POLR3C: variants seen among roughly 807,000 people sequenced by gnomAD.
The protein encoded by POLR3C is RNA polymerase III subunit C.
A neutral mutation model predicts 65.9 loss-of-function variants in POLR3C; 44 were observed. That is an observed-to-expected ratio of 0.67 (90% CI 0.52 to 0.86). The LOEUF (loss-of-function observed/expected upper bound fraction) is 0.86. Among genes scored for constraint, POLR3C ranks in the 40% least tolerant of loss-of-function variants. The pLI is 0.00. For missense variants in POLR3C, 576 were observed against 653.2 expected (o/e 0.88, Z 1.29); for synonymous variants, 263 against 231.6 (o/e 1.14, Z -1.23).
rs1466075237 is a variant in POLR3C at position 145,843,785 on chromosome 1, T to C, written c.*1365T>C. Among the ~76,000 whole-genome samples, 3 of 152,192 alleles carry C rather than the reference T, an allele frequency of 2.0e-5. No individual in the cohort carries two copies. The East Asian group carries it at 5.8e-4, about 29-fold the overall frequency. On this transcript the variant is annotated 3_prime_UTR_variant, in exon 15 of 15. Coordinates refer to ENST00000334163, the MANE Select transcript of POLR3C (RefSeq NM_006468.8). ...AGGATGCTTTATTTGCAAACTATCT[T>C]AACAAGGGATTCGTAACCAGAATAT...
At position 145,838,168 on chromosome 1, in the gene POLR3C, C is replaced by CT; in HGVS notation, c.1184dup (p.Tyr396IlefsTer2). 1.2e-6 allele frequency: 2 copies of CT among 1,613,742 alleles called. No individual in the cohort carries two copies. Among genetic ancestry groups the CT allele is most frequent in the Non-Finnish European group, 1.7e-6 (2 of 1,179,602 alleles). On this transcript the variant is annotated frameshift_variant, in exon 11 of 15. Coordinates refer to ENST00000334163, the MANE Select transcript of POLR3C (RefSeq NM_006468.8). LOFTEE classifies it high-confidence loss of function. ...TCCTGCAAAGGAGGCAAAGGATATGCTATATAAGATGCTCTCAGAAAATTT... is the reference window on the plus strand; with the variant it reads ...TCCTGCAAAGGAGGCAAAGGATATGCTTATATAAGATGCTCTCAGAAAATTT...
intron 14 of POLR3C, among the ~76,000 whole-genome samples, chr1:145,841,797 CT>C (rs750147073): frequency 1.7e-4 from 25 of 144,774 alleles, no homozygotes; most frequent in South Asian, 2.2e-4. Flanking sequence ...GATGCCTTTA[CT>C]TTTTTTTTTT....
intron 1 of POLR3C, 72 bp from the exon 2 acceptor site, chr1:145,825,685 A>C (rs890647109): frequency 1.1e-6 from 1 of 898,826 alleles, no homozygotes; most frequent in South Asian, 1.9e-5. Context: ...AGAATACATG[A>C]ATTTACACTC....
chr1:145,835,399 C>T (rs1309046481), intron 7 of POLR3C, among the ~76,000 whole-genome samples: 3 of 148,586 alleles, frequency 2.0e-5, no homozygotes, highest in East Asian at 2.1e-4. Flanking sequence ...GAGCTGAGAT[C>T]GCACCACTGC....
rs782170571 is a variant in POLR3C, at chr1:145,840,995, C to T, written c.1447C>T (p.Gln483Ter). Reference protein sequence around the residue: ...SMQATGAEEAQLQEIEEMITA... With the variant: ...SMQATGAEEA ...GCAGGCTACTGGTGCAGAGGAAGCA[C>T]AGTTACAAGAAATAGAGGAGATGAT... is the stretch of plus-strand genomic sequence containing the variant. The change falls in exon 14 of 15, where the codon CAG (glutamine) becomes TAG (stop). Residue 483 changes from glutamine to a stop codon, truncating the protein, a stop_gained. Transcript: ENST00000334163. LOFTEE classifies it high-confidence loss of function. 23 of 1,612,874 alleles carry T rather than the reference C, an allele frequency of 1.4e-5. No homozygotes were observed. In the African/African-American group the frequency reaches 2.1e-4, roughly 15 times the overall value.
chr1:145,836,417 G>A, intron 7 of POLR3C, 77 bp from the exon 8 acceptor site: 1 of 851,276 alleles, frequency 1.2e-6, no homozygotes, highest in Non-Finnish European at 2.0e-6. Context: ...ACTGTGCCCG[G>A]CCTAAAACAT....
At chr1:145,841,184 C>T in intron 14 of POLR3C, 113 bp downstream of exon 14, 1 of 817,294 alleles carries the variant, frequency 1.2e-6, no homozygotes, top group South Asian at 1.7e-5. Flanking sequence ...CTGTCTCCTC[C>T]AGCTCACTTA....
intron 5 of POLR3C, among the ~76,000 whole-genome samples, chr1:145,830,478 G>A (rs1490440620): frequency 2.0e-5 from 3 of 152,082 alleles, no homozygotes; most frequent in African/African-American, 7.2e-5. Flanking sequence ...AGGGACTAGG[G>A]GTGATACCCA....
At chr1:145,833,647 C>A in intron 7 of POLR3C, 65 bp downstream of exon 7, 1 of 1,067,472 alleles carries the variant, frequency 9.4e-7, no homozygotes, top group Non-Finnish European at 1.5e-6. Flanking sequence ...GTTTATTATA[C>A]ACAGATCCTG....
intron 3 of POLR3C, 24 bp downstream of exon 3, chr1:145,826,733 TAAC>T: frequency 6.2e-7 from 1 of 1,613,588 alleles, no homozygotes; most frequent in Non-Finnish European, 8.5e-7. Context: ...CCATAGCTGT[TAAC>T]AAAAGCATAG....
At position 145,824,265 on chromosome 1, in the gene POLR3C, G is replaced by A. The variant is rs1187040664; in HGVS notation, c.-125G>A. 7.1e-6 allele frequency: 2 copies of A among 282,086 alleles called. No homozygotes were observed. Among genetic ancestry groups the A allele is most frequent in the African/African-American group, 2.3e-5 (1 of 43,418 alleles). The allele number at this position is 282,086 out of a possible 1,614,324, so 17.5% of individuals were successfully genotyped here. ...TGGCGATCCGCGTCCTAGAAAGGGC[G>A]GTGGGCTCCACCTCGGCCTAGAAGG... is the stretch of plus-strand genomic sequence containing the variant. On this transcript the variant is annotated 5_prime_UTR_variant, in exon 1 of 15. Coordinates refer to ENST00000334163, the MANE Select transcript of POLR3C (RefSeq NM_006468.8).
At chr1:145,839,678 C>T in intron 11 of POLR3C, 1 of 484,592 alleles carries the variant, frequency 2.1e-6, no homozygotes, top group Non-Finnish European at 3.7e-6. Flanking sequence ...TTGCAGTGAG[C>T]TGATATCATG....
intron 2 of POLR3C, 123 bp downstream of exon 2, chr1:145,826,046 CA>C: frequency 1.3e-6 from 1 of 762,420 alleles, no homozygotes; most frequent in South Asian, 1.8e-5. Flanking sequence ...TGGAGCAGAA[CA>C]ATGTTATTTC....
Position 145,833,594 on chromosome 1 carries a change from G to A in POLR3C, c.876+12G>A. 2 of 1,510,968 alleles carry A rather than the reference G, an allele frequency of 1.3e-6. No homozygotes were observed. The highest frequency in any genetic ancestry group is 1.8e-6 in the Non-Finnish European group (2 of 1,085,694). 93.6% of individuals were successfully genotyped at this position (1,510,968 alleles called of 1,614,324 possible). A position where few individuals can be genotyped will look rare whatever the true frequency, so the allele number is the denominator to read the frequency against. On this transcript the variant is annotated intron_variant, in intron 7 of 14. Transcript: ENST00000334163. Reference sequence around the variant, plus strand: ...TGTCTTCCAATGAGGTGAGTTTCATGTTCTTGCACTAACTTTCTGACAGAT... The same window carrying A: ...TGTCTTCCAATGAGGTGAGTTTCATATTCTTGCACTAACTTTCTGACAGAT...
rs148940655 is a variant in POLR3C at position 145,834,389 on chromosome 1, G to A, written c.876+807G>A. ...ATTTATTAAAAACCAGTAACAGGCT[G>A]AGCGGGGTGGCTCACGCCTGTAATC... On this transcript the variant is annotated intron_variant, in intron 7 of 14. Transcript: ENST00000334163. Among the ~76,000 whole-genome samples, 53 of 152,194 alleles carry A rather than the reference G, an allele frequency of 3.5e-4. 1 individual carries two copies. The East Asian group carries it at 9.3e-3, about 27-fold the overall frequency.
chr1:145,840,360 T>C (rs1372143126), intron 13 of POLR3C, 195 bp downstream of exon 13: 2 of 536,726 alleles, frequency 3.7e-6, no homozygotes, highest in Non-Finnish European at 6.7e-6. Flanking sequence ...GCCAACATGG[T>C]GAAACCCTGT....
intron 2 of POLR3C, among the ~76,000 whole-genome samples, 193 bp downstream of exon 2, chr1:145,826,116 C>A (rs1187775968): frequency 1.3e-5 from 2 of 152,230 alleles, no homozygotes; most frequent in Non-Finnish European, 2.9e-5. Context: ...GTTCCTAGTT[C>A]ATCACAGCTT....
chr1:145,828,756 TA>T lies in POLR3C; in HGVS notation c.601del (p.Arg201GlyfsTer52). The T allele has an allele frequency of 6.2e-7, 1 of 1,604,770 alleles. No homozygotes were observed. The highest frequency in any genetic ancestry group is 8.5e-7 in the Non-Finnish European group (1 of 1,171,670). The stretch of plus-strand genomic sequence containing the variant: ...TAATTGTTTGTTTGGCAGGGAAAGG[TA>T]AAAGGAGGAGATCATCTGATGAAGA... ...VPKLSLIGKGKRRRSSDEDAA... is the reference protein window; with the variant it reads ...VPKLSLIGKGXRRRSSDEDAA... On this transcript the variant is annotated frameshift_variant, in exon 5 of 15. Transcript: ENST00000334163. LOFTEE classifies it high-confidence loss of function.
intron 14 of POLR3C, among the ~76,000 whole-genome samples, chr1:145,841,667 C>T (rs1331061241): frequency 6.6e-6 from 1 of 152,198 alleles, no homozygotes; most frequent in Non-Finnish European, 1.5e-5. Flanking sequence ...TTGTATCCCA[C>T]AACTTTACTA....
Sources: gnomAD v4.1 joint callset for allele counts (sites outside exome capture counted in the v4.1 genomes callset) on GRCh38, gnomAD v4.1.1 for gene constraint, MANE v1.5 for transcripts, NCBI Gene and HGNC (gene_info 2026-07-23, HGNC 2026-07-21) for gene names.